RORA: variants seen among roughly 807,000 people sequenced by gnomAD.
RORA encodes RAR related orphan receptor A.
A neutral mutation model predicts 69.5 loss-of-function variants in RORA; 7 were observed. That is an observed-to-expected ratio of 0.10 (90% CI 0.06 to 0.19). The LOEUF (loss-of-function observed/expected upper bound fraction) is 0.19, where lower values mean the gene tolerates loss of function less well. Ranked by LOEUF, RORA falls within the 10% of genes least tolerant of loss-of-function variation. RORA has a pLI of 1.00. For missense variants in RORA, 457 were observed against 663.0 expected (o/e 0.69, Z 3.41); for synonymous variants, 261 against 240.8 (o/e 1.08, Z -0.78).
chr15:60,772,243 G>A (rs2072088256), intron 1 of RORA, among the ~76,000 whole-genome samples: 1 of 151,744 alleles, frequency 6.6e-6, no homozygotes, highest in Non-Finnish European at 1.5e-5. Context: ...GGTGTGTGAT[G>A]TTCCCCGCTT....
chr15:60,525,249 T>A (rs773307445), intron 3 of RORA, among the ~76,000 whole-genome samples: 4 of 152,172 alleles, frequency 2.6e-5, no homozygotes, highest in African/African-American at 9.7e-5. Context: ...CCTGGAAATA[T>A]GCCTGGCACT....
At chr15:61,029,246 G>C (rs960572140) in intron 1 of RORA, among the ~76,000 whole-genome samples, 4 of 152,136 alleles carry the variant, frequency 2.6e-5, no homozygotes, top group African/African-American at 9.7e-5. Flanking sequence ...GAAATGACAA[G>C]CTGAGGAGCA....
intron 1 of RORA, among the ~76,000 whole-genome samples, chr15:61,187,556 G>A (rs577760596): frequency 2.6e-5 from 4 of 152,314 alleles, no homozygotes; most frequent in East Asian, 1.9e-4. Flanking sequence ...TGTTCAACAC[G>A]GCCTCTGCAT....
Position 60,503,449 on chromosome 15 carries a change from G to A in RORA, c.1075+86C>T, listed in dbSNP as rs552620573. The A allele has an allele frequency of 3.4e-5, 48 of 1,395,566 alleles. No homozygotes were observed. The East Asian group carries it at 6.4e-4, about 18-fold the overall frequency. The allele number at this position is 1,395,566 out of a possible 1,614,324, so 86.4% of individuals were successfully genotyped here. A position where few individuals can be genotyped will look rare whatever the true frequency, so the allele number is the denominator to read the frequency against. ...TTATCATTGGAGAAAAACTGTTCCC[G>A]ACACCTTCCTTACCAAGCATTTCTT... is the stretch of plus-strand genomic sequence containing the variant. On this transcript the variant is annotated intron_variant, in intron 7 of 10. Transcript: ENST00000335670.
intron 1 of RORA, among the ~76,000 whole-genome samples, chr15:61,009,104 G>C (rs966231036): frequency 1.3e-5 from 2 of 152,172 alleles, no homozygotes; most frequent in African/African-American, 4.8e-5. Context: ...CTGAAAGAAT[G>C]TCATATGCCA....
intron 1 of RORA, among the ~76,000 whole-genome samples, chr15:61,138,245 G>A (rs2140858644): frequency 6.6e-6 from 1 of 152,234 alleles, no homozygotes; most frequent in South Asian, 2.1e-4. Context: ...TAAACAACAT[G>A]ATTTATTTTT....
chr15:60,824,525 G>A (rs1284520545), intron 1 of RORA, among the ~76,000 whole-genome samples: 1 of 151,890 alleles, frequency 6.6e-6, no homozygotes, highest in Non-Finnish European at 1.5e-5. Flanking sequence ...AAAACTTGGT[G>A]TGCTCATGGC....
intron 1 of RORA, among the ~76,000 whole-genome samples, chr15:60,811,202 G>C (rs2072738747): frequency 6.6e-6 from 1 of 152,196 alleles, no homozygotes; most frequent in Non-Finnish European, 1.5e-5. Flanking sequence ...ATTTCCTAGA[G>C]TGAATCTAGG....
intron 1 of RORA, among the ~76,000 whole-genome samples, chr15:60,791,499 G>C (rs891808344): frequency 8.5e-5 from 13 of 152,222 alleles, no homozygotes; most frequent in African/African-American, 3.1e-4. Context: ...GTGGGGTTTT[G>C]TCTGGGAGCA....
At chr15:60,960,612 T>G (rs1403019871) in intron 1 of RORA, among the ~76,000 whole-genome samples, 1 of 152,132 alleles carries the variant, frequency 6.6e-6, no homozygotes, top group East Asian at 1.9e-4. Flanking sequence ...TAAAATCCAT[T>G]TTCATCATGT....
At chr15:61,005,342 T>C (rs1412942000) in intron 1 of RORA, among the ~76,000 whole-genome samples, 1 of 152,084 alleles carries the variant, frequency 6.6e-6, no homozygotes, top group African/African-American at 2.4e-5. Context: ...TAGCCAGTCG[T>C]GGTGGCAGGC....
intron 1 of RORA, among the ~76,000 whole-genome samples, chr15:61,036,379 G>T (rs944874986): frequency 3.9e-5 from 6 of 152,088 alleles, no homozygotes; most frequent in Admixed American, 6.6e-5. Flanking sequence ...TTTACTATAG[G>T]GCGGAAAGCA....
At chr15:60,638,386 CTTTTTTT>C (rs375782514) in intron 2 of RORA, among the ~76,000 whole-genome samples, 3 of 117,922 alleles carry the variant, frequency 2.5e-5, no homozygotes, top group Non-Finnish European at 3.7e-5. Context: ...ATTTTCTTTT[CTTTTTTT>C]TTTTTTTTTG....
At chr15:61,178,472 G>T (rs1044522389) in intron 1 of RORA, among the ~76,000 whole-genome samples, 1 of 151,670 alleles carries the variant, frequency 6.6e-6, no homozygotes, top group Non-Finnish European at 1.5e-5. Flanking sequence ...TTTATGAGCA[G>T]AAAAATATGG....
Position 60,602,000 on chromosome 15 carries a change from T to C in RORA, c.197-70149A>G, listed in dbSNP as rs182591631. Among the ~76,000 whole-genome samples the C allele has an allele frequency of 3.9e-5, 6 of 152,322 alleles. No homozygotes were observed. In the East Asian group the frequency reaches 1.2e-3, roughly 29 times the overall value. On this transcript the variant is annotated intron_variant, in intron 2 of 10. Transcript: ENST00000335670. ...ATTGAGAAACTACTGATATGCATTA[T>C]TGAATTTGTTGTAAAGCCTTAAGTA...
chr15:60,567,946 G>A (rs2067764846), intron 2 of RORA, among the ~76,000 whole-genome samples: 1 of 152,112 alleles, frequency 6.6e-6, no homozygotes, highest in Non-Finnish European at 1.5e-5. Context: ...TGAACAGAAG[G>A]TAGAAAGCAT....
At chr15:60,767,289 G>C (rs80051886) in intron 1 of RORA, among the ~76,000 whole-genome samples, 2,225 of 152,174 alleles carry the variant, frequency 0.015, 56 homozygotes, top group African/African-American at 0.05. Context: ...TTGGCCTTTT[G>C]AGTCTGTGGT....
chr15:60,876,322 G>A (rs964126004), intron 1 of RORA, among the ~76,000 whole-genome samples: 3 of 139,378 alleles, frequency 2.2e-5, no homozygotes, highest in Non-Finnish European at 4.8e-5. Flanking sequence ...GGGGGGGGGG[G>A]GGGGCGGCTA....
chr15:61,091,670 C>T lies in RORA; in HGVS notation c.166+137383G>A, dbSNP rs114902074. ...CATTCGCATGATGCTCTTTATTTAT[C>T]CACAAGCAACTTCACATAACAAGAA... On this transcript the variant is annotated intron_variant, in intron 1 of 10. Transcript: ENST00000335670. Among the ~76,000 whole-genome samples the T allele has an allele frequency of 8.3e-3, 1,268 of 152,302 alleles. 28 individuals carry two copies. The highest frequency in any genetic ancestry group is 0.029 in the African/African-American group (1,205 of 41,562).
Sources: gnomAD v4.1 joint callset for allele counts (sites outside exome capture counted in the v4.1 genomes callset) on GRCh38, gnomAD v4.1.1 for gene constraint, MANE v1.5 for transcripts, NCBI Gene and HGNC (gene_info 2026-07-23, HGNC 2026-07-21) for gene names.